The following SLC52A3 variants were observed in gnomAD, a reference collection of about 807,000 sequenced individuals.
SLC52A3 encodes the protein solute carrier family 52 member 3.
SLC52A3 carries 20 observed loss-of-function variants against 29.5 expected under a neutral mutation model. That is an observed-to-expected ratio of 0.68 (90% CI 0.48 to 0.99). The LOEUF (loss-of-function observed/expected upper bound fraction) is 0.99, where lower values mean the gene tolerates loss of function less well. Ranked by LOEUF, SLC52A3 falls within the 50% of genes least tolerant of loss-of-function variation. The pLI, the probability that SLC52A3 is intolerant of heterozygous loss-of-function variation, is 0.00. For synonymous variants in SLC52A3, 301 were observed against 271.0 expected (o/e 1.11, Z -1.09); for missense variants, 548 against 612.9 (o/e 0.89, Z 1.12).
At chr20:776,962 G>A (rs549240810), upstream of SLC52A3, among the ~76,000 whole-genome samples, 5 of 152,164 alleles carry the variant, frequency 3.3e-5, no homozygotes, top group South Asian at 4.1e-4. Flanking sequence ...ATGGCGGGGC[G>A]TGGTGGGTCA....
chr20:779,455 C>T (rs1987153609), upstream of SLC52A3, among the ~76,000 whole-genome samples: 2 of 152,246 alleles, frequency 1.3e-5, no homozygotes, highest in Admixed American at 6.5e-5. Context: ...AACCCTGTCT[C>T]TACTAAAAAT....
intron 4 of SLC52A3, 107 bp downstream of exon 4, chr20:761,594 G>T: frequency 3.9e-6 from 6 of 1,530,158 alleles, no homozygotes; most frequent in Non-Finnish European, 5.3e-6. Context: ...TCCCGGGAGG[G>T]TCCCACAGAC....
upstream of SLC52A3, among the ~76,000 whole-genome samples, chr20:779,415 A>G (rs1254274347): frequency 1.3e-5 from 2 of 152,220 alleles, no homozygotes; most frequent in Admixed American, 6.5e-5. Flanking sequence ...TCAGGTCAGG[A>G]GTTGGAGACC....
chr20:766,137 G>A (rs1599959885), intron 1 of SLC52A3: 2 of 279,576 alleles, frequency 7.2e-6, no homozygotes, highest in East Asian at 8.9e-5. Flanking sequence ...GTTTCCCCAC[G>A]TTGGTCAGGC....
intron 1 of SLC52A3, among the ~76,000 whole-genome samples, chr20:774,625 G>C (rs1030534523): frequency 2.0e-5 from 3 of 152,184 alleles, no homozygotes; most frequent in Non-Finnish European, 4.4e-5. Context: ...CGGCTGAGAG[G>C]GAGGCAGGGA....
chr20:763,711 T>C lies in SLC52A3; in HGVS notation c.860A>G (p.Tyr287Cys), dbSNP rs1477315316. 1.9e-6 allele frequency: 3 copies of C among 1,614,132 alleles called. No homozygotes were observed. The highest frequency in any genetic ancestry group is 2.5e-6 in the Non-Finnish European group (3 of 1,179,992). Residue 287 changes from tyrosine (Y) to cysteine (C), a missense_variant, in exon 3 of 5, where the codon TAT (tyrosine) becomes TGT (cysteine). Transcript: ENST00000645534. Reference sequence around the variant, plus strand: ...GCAGGGGGCTGCTTTCTCCTCTAGATACCCCTGGCCCTGGCTGCTGTCCAC... The same window carrying C: ...GCAGGGGGCTGCTTTCTCCTCTAGACACCCCTGGCCCTGGCTGCTGTCCAC... The part of the protein sequence containing the change: ...GTVDSSQGQG[Y>C]LEEKAAPCCP...
upstream of SLC52A3, among the ~76,000 whole-genome samples, chr20:777,712 C>T (rs1366272501): frequency 6.6e-6 from 1 of 152,172 alleles, no homozygotes; most frequent in Non-Finnish European, 1.5e-5. Context: ...GGTGAGCAGG[C>T]ACTAGGGAAG....
At chr20:773,693 C>T (rs1420345387) in intron 1 of SLC52A3, among the ~76,000 whole-genome samples, 3 of 152,166 alleles carry the variant, frequency 2.0e-5, no homozygotes, top group Admixed American at 6.5e-5. Context: ...CCTAAGGCTT[C>T]GCATGAGACA....
intron 3 of SLC52A3, among the ~76,000 whole-genome samples, chr20:763,213 C>G (rs1156299483): frequency 6.6e-6 from 1 of 152,240 alleles, no homozygotes; most frequent in African/African-American, 2.4e-5. Flanking sequence ...GTGCCAGGCA[C>G]CGCTCCAAGA....
intron 1 of SLC52A3, among the ~76,000 whole-genome samples, chr20:767,849 C>CT (rs1243267751): frequency 6.6e-6 from 1 of 152,204 alleles, no homozygotes; most frequent in Non-Finnish European, 1.5e-5. Context: ...CTGTTTACCC[C>CT]TTTGTCAGCT....
chr20:773,145 T>C (rs367601177), upstream of SLC52A3, among the ~76,000 whole-genome samples: 10 of 152,164 alleles, frequency 6.6e-5, 2 homozygotes, highest in Admixed American at 2.0e-4. Flanking sequence ...GTGCTGGCTG[T>C]TGTGAGGAGA....
intron 3 of SLC52A3, among the ~76,000 whole-genome samples, chr20:762,787 G>C (rs548827720): frequency 3.6e-4 from 55 of 152,286 alleles, no homozygotes; most frequent in African/African-American, 1.2e-3. Context: ...TTCTGGGCTG[G>C]GAGAGTGGGT....
In SLC52A3 at chr20:763,676, G is replaced by A. The variant is rs1986566985; in HGVS notation, c.895C>T (p.His299Tyr). 19 of 1,614,184 alleles carry A rather than the reference G, an allele frequency of 1.2e-5. No homozygotes were observed. Among genetic ancestry groups the A allele is most frequent in the Non-Finnish European group, 1.6e-5 (19 of 1,180,030 alleles). ...ACCAGGGTATAGATGAAGGCCAGGT[G>A]CGCCGGGCAGCAGGGGGCTGCTTTC... ...EEKAAPCCPAHLAFIYTLVAF... is the reference protein window; with the variant it reads ...EEKAAPCCPAYLAFIYTLVAF... Residue 299 changes from histidine (H) to tyrosine (Y), a missense_variant, in exon 3 of 5, where the codon CAC (histidine) becomes TAC (tyrosine). This residue lies in a region of SLC52A3 where 375 missense variants were observed against 471.1 expected (regional missense o/e 0.80). Coordinates refer to ENST00000645534, the MANE Select transcript of SLC52A3 (RefSeq NM_033409.4).
chr20:777,282 A>AC (rs397749799), upstream of SLC52A3, among the ~76,000 whole-genome samples: 44 of 151,302 alleles, frequency 2.9e-4, no homozygotes, highest in African/African-American at 9.2e-4. Flanking sequence ...CAAAAAAAAA[A>AC]CACCAACTGG....
upstream of SLC52A3, among the ~76,000 whole-genome samples, chr20:776,861 G>T (rs530523595): frequency 1.3e-5 from 2 of 151,680 alleles, no homozygotes; most frequent in African/African-American, 2.4e-5. Flanking sequence ...GCTTTTGGGG[G>T]GGGGGCCACA....
upstream of SLC52A3, among the ~76,000 whole-genome samples, chr20:778,305 A>C (rs531003978): frequency 6.6e-6 from 1 of 151,642 alleles, no homozygotes; most frequent in South Asian, 2.1e-4. Flanking sequence ...TTGAGCCACT[A>C]CACTGGCCAC....
chr20:763,084 G>A (rs1986543886), intron 3 of SLC52A3, among the ~76,000 whole-genome samples: 1 of 152,254 alleles, frequency 6.6e-6, no homozygotes, highest in East Asian at 1.9e-4. Flanking sequence ...AATTAGACCA[G>A]GTCAAGCTCT....
At chr20:778,910 A>G (rs972419240), upstream of SLC52A3, among the ~76,000 whole-genome samples, 11 of 152,174 alleles carry the variant, frequency 7.2e-5, no homozygotes, top group African/African-American at 2.7e-4. Context: ...GCCAAATACT[A>G]TAAGGTGTCA....
At chr20:776,969 G>C (rs1036680705), upstream of SLC52A3, among the ~76,000 whole-genome samples, 1 of 151,840 alleles carries the variant, frequency 6.6e-6, no homozygotes, top group Non-Finnish European at 1.5e-5. Context: ...GGCGTGGTGG[G>C]TCATGCCTGT....
Sources: gnomAD v4.1 joint callset for allele counts (sites outside exome capture counted in the v4.1 genomes callset) on GRCh38, gnomAD v4.1.1 for gene constraint, gnomAD v4.1.1 regional missense constraint, MANE v1.5 for transcripts, NCBI Gene and HGNC (gene_info 2026-07-23, HGNC 2026-07-21) for gene names.